Variants in ARB2A observed in about 807,000 individuals in gnomAD.
ARB2A encodes ARB2 cotranscriptional regulator A.
chr5:94,055,987 T>A, the ARB2A span: 1 of 803,696 alleles, frequency 1.2e-6, no homozygotes, highest in Non-Finnish European at 1.5e-6. Flanking sequence ...ATCATCACAA[T>A]CCTATGAAAT....
At chr5:93,908,977 C>T in the ARB2A span, among the ~76,000 whole-genome samples, 1 of 150,964 alleles carries the variant, frequency 6.6e-6, no homozygotes, top group Non-Finnish European at 1.5e-5. Context: ...AACGAGACGT[C>T]TTACATTTCA....
At chr5:93,750,847 A>C in the ARB2A span, among the ~76,000 whole-genome samples, 2 of 152,114 alleles carry the variant, frequency 1.3e-5, no homozygotes, top group South Asian at 4.1e-4. Flanking sequence ...TTTTAAATTT[A>C]ATCACCTTCT....
the ARB2A span, among the ~76,000 whole-genome samples, chr5:94,045,715 GT>G: frequency 1.2e-4 from 18 of 152,166 alleles, no homozygotes; most frequent in Admixed American, 1.2e-3. Flanking sequence ...GACACAGAAA[GT>G]TTCCCCCAAA....
chr5:94,088,860 C>T, the ARB2A span, among the ~76,000 whole-genome samples: 19 of 152,092 alleles, frequency 1.2e-4, no homozygotes, highest in East Asian at 1.7e-3. Context: ...ACCTTGCAAA[C>T]GAAAAATGAA....
chr5:93,933,684 G>A, the ARB2A span, among the ~76,000 whole-genome samples: 1 of 152,036 alleles, frequency 6.6e-6, no homozygotes, highest in African/African-American at 2.4e-5. Flanking sequence ...GATAGCATTA[G>A]GAGAAATACC....
At chr5:93,927,650 T>C in the ARB2A span, among the ~76,000 whole-genome samples, 2 of 152,272 alleles carry the variant, frequency 1.3e-5, no homozygotes, top group Non-Finnish European at 2.9e-5. Context: ...ATCATCTGAC[T>C]CTTGTTCTCT....
At chr5:93,778,221 G>C in the ARB2A span, among the ~76,000 whole-genome samples, 3 of 152,086 alleles carry the variant, frequency 2.0e-5, no homozygotes, top group Admixed American at 6.6e-5. Context: ...TGTAAGAGTA[G>C]AAACTATAAA....
At chr5:93,909,042 C>A in the ARB2A span, among the ~76,000 whole-genome samples, 2 of 150,726 alleles carry the variant, frequency 1.3e-5, no homozygotes, top group Non-Finnish European at 3.0e-5. Flanking sequence ...TTTTGAAAGG[C>A]CTTCATAAAA....
At chr5:93,937,315 A>T in the ARB2A span, among the ~76,000 whole-genome samples, 1 of 151,022 alleles carries the variant, frequency 6.6e-6, no homozygotes, top group African/African-American at 2.4e-5. Flanking sequence ...AGAGAGAGAG[A>T]GTGCAGGCTG....
At chr5:94,083,201 G>C in the ARB2A span, among the ~76,000 whole-genome samples, 1 of 152,166 alleles carries the variant, frequency 6.6e-6, no homozygotes. Context: ...CTTAAACACA[G>C]TATGCCAAAT....
At chr5:93,947,280 T>A in the ARB2A span, among the ~76,000 whole-genome samples, 1 of 152,138 alleles carries the variant, frequency 6.6e-6, no homozygotes, top group African/African-American at 2.4e-5. Context: ...TGTTTACGAT[T>A]TTCACATTAA....
At chr5:94,101,071 A>G in the ARB2A span, among the ~76,000 whole-genome samples, 1 of 151,676 alleles carries the variant, frequency 6.6e-6, no homozygotes, top group Non-Finnish European at 1.5e-5. Flanking sequence ...TTCAGGAGAA[A>G]GTCCAGCATC....
At chr5:93,633,032 T>C in the ARB2A span, among the ~76,000 whole-genome samples, 1 of 152,184 alleles carries the variant, frequency 6.6e-6, no homozygotes, top group South Asian at 2.1e-4. Flanking sequence ...CTGGTGGGCC[T>C]ACCCTCCAGG....
At chr5:93,762,543 G>A in the ARB2A span, among the ~76,000 whole-genome samples, 2 of 152,146 alleles carry the variant, frequency 1.3e-5, no homozygotes, top group Non-Finnish European at 2.9e-5. Flanking sequence ...AAGAAATATG[G>A]GACTATGTGA....
the ARB2A span, among the ~76,000 whole-genome samples, chr5:93,636,234 T>A: frequency 4.6e-5 from 7 of 152,196 alleles, no homozygotes; most frequent in Non-Finnish European, 7.3e-5. Flanking sequence ...CCAGTATAGA[T>A]TACCCCAGTC....
chr5:93,985,777 C>A, the ARB2A span, among the ~76,000 whole-genome samples: 7 of 152,194 alleles, frequency 4.6e-5, no homozygotes, highest in Non-Finnish European at 8.8e-5. Context: ...TGGCTACAAC[C>A]TCCACCTCCC....
the ARB2A span, among the ~76,000 whole-genome samples, chr5:94,071,215 C>A: frequency 6.6e-6 from 1 of 151,794 alleles, no homozygotes; most frequent in African/African-American, 2.4e-5. Flanking sequence ...AGCAATGAAA[C>A]GAAACCTACT....
chr5:93,744,932 G>A, the ARB2A span, among the ~76,000 whole-genome samples: 4 of 152,194 alleles, frequency 2.6e-5, no homozygotes, highest in Admixed American at 6.5e-5. Context: ...TAATCTAAAT[G>A]AGGGAGAAGA....
At chr5:93,800,741 A>G in the ARB2A span, among the ~76,000 whole-genome samples, 1 of 152,164 alleles carries the variant, frequency 6.6e-6, no homozygotes, top group Non-Finnish European at 1.5e-5. Flanking sequence ...TATATTTTAA[A>G]AAGATTTCAA....
Sources: gnomAD v4.1 joint callset for allele counts (sites outside exome capture counted in the v4.1 genomes callset) on GRCh38, gnomAD v4.1.1 for gene constraint, MANE v1.5 for transcripts, NCBI Gene and HGNC (gene_info 2026-07-23, HGNC 2026-07-21) for gene names.